Variants in PPM1E observed in about 807,000 individuals in gnomAD.
The protein encoded by PPM1E is protein phosphatase, Mg2+/Mn2+ dependent 1E.
In PPM1E, 20 loss-of-function variants were observed where a neutral mutation model predicts 65.9. The ratio of observed to expected loss-of-function variants is 0.30; its 90% confidence interval spans 0.21 to 0.44. The LOEUF is 0.44. PPM1E is among the 20% of genes least tolerant of loss of function. PPM1E has a pLI of 1.00. For synonymous variants in PPM1E, 352 were observed against 374.9 expected, an observed-to-expected ratio of 0.94 and a Z score of 0.70; for missense variants, 713 against 953.1, an observed-to-expected ratio of 0.75 and a Z score of 3.32.
At chr17:58,955,212 A>G (rs894043839) in intron 1 of PPM1E, among the ~76,000 whole-genome samples, 6 of 152,162 alleles carry the variant, frequency 3.9e-5, no homozygotes, top group African/African-American at 1.2e-4. Context: ...TAAAAATACA[A>G]AAATTAGCTG....
intron 1 of PPM1E, among the ~76,000 whole-genome samples, chr17:58,836,408 G>A (rs1421298715): frequency 6.6e-6 from 1 of 151,528 alleles, no homozygotes; most frequent in East Asian, 2.0e-4. Flanking sequence ...GATTTAATGA[G>A]CCCAGGAGTT....
intron 1 of PPM1E, among the ~76,000 whole-genome samples, chr17:58,771,414 A>C (rs1480354998): frequency 6.6e-6 from 1 of 151,710 alleles, no homozygotes; most frequent in African/African-American, 2.4e-5. Flanking sequence ...TCACAAGGTC[A>C]AGAGATCGAG....
intron 1 of PPM1E, among the ~76,000 whole-genome samples, chr17:58,921,578 C>T (rs1205129196): frequency 6.6e-6 from 1 of 151,316 alleles, no homozygotes; most frequent in Non-Finnish European, 1.5e-5. Context: ...GTAGGAGGAT[C>T]GCTTGAACCT....
intron 6 of PPM1E, among the ~76,000 whole-genome samples, chr17:58,973,699 T>TC (rs1487926116): frequency 6.6e-6 from 1 of 151,926 alleles, no homozygotes; most frequent in African/African-American, 2.4e-5. Context: ...ACGCCTGTAT[T>TC]CCCAGCACTT....
At position 58,916,744 on chromosome 17, in the gene PPM1E, A is replaced by G. The variant is rs144581816; in HGVS notation, c.465-38905A>G. On this transcript the variant is annotated intron_variant, in intron 1 of 6. Coordinates refer to ENST00000308249, the MANE Select transcript of PPM1E (RefSeq NM_014906.5). Reference sequence around the variant, plus strand: ...GACTTCTGTGGTTCCTTCCAATTCTATGATTTTGCTTTAATACATATAGTA... The same window carrying G: ...GACTTCTGTGGTTCCTTCCAATTCTGTGATTTTGCTTTAATACATATAGTA... Among the ~76,000 whole-genome samples the G allele has an allele frequency of 3.1e-4, 47 of 152,322 alleles. 1 individual carries two copies. Among genetic ancestry groups the G allele is most frequent in the Middle Eastern group, 3.4e-3 (1 of 294 alleles).
intron 1 of PPM1E, among the ~76,000 whole-genome samples, chr17:58,876,791 AT>A (rs554394576): frequency 7.3e-5 from 11 of 149,882 alleles, no homozygotes; most frequent in Admixed American, 2.0e-4. Flanking sequence ...ATTTTATTTT[AT>A]TTTTTTTTTG....
At chr17:58,771,410 G>A (rs2049937058) in intron 1 of PPM1E, among the ~76,000 whole-genome samples, 1 of 151,578 alleles carries the variant, frequency 6.6e-6, no homozygotes, top group Admixed American at 6.6e-5. Context: ...TGGATCACAA[G>A]GTCAAGAGAT....
At chr17:58,884,781 G>A (rs777903033) in intron 1 of PPM1E, among the ~76,000 whole-genome samples, 2 of 152,104 alleles carry the variant, frequency 1.3e-5, no homozygotes, top group African/African-American at 4.8e-5. Flanking sequence ...AGGGTGACCA[G>A]AGAATTAATT....
chr17:58,775,902 C>A (rs1364581617), intron 1 of PPM1E, among the ~76,000 whole-genome samples: 2 of 105,974 alleles, frequency 1.9e-5, no homozygotes, highest in Admixed American at 3.3e-4. Context: ...GCCTGGGCGA[C>A]AGAGCGAGAC....
chr17:58,856,903 TC>T (rs1263287802), intron 1 of PPM1E, among the ~76,000 whole-genome samples: 1 of 152,156 alleles, frequency 6.6e-6, no homozygotes, highest in African/African-American at 2.4e-5. Flanking sequence ...ATAGTAATTT[TC>T]CCCCTAGGGA....
At chr17:58,795,622 TA>T (rs1323544647) in intron 1 of PPM1E, among the ~76,000 whole-genome samples, 1 of 152,208 alleles carries the variant, frequency 6.6e-6, no homozygotes, top group Non-Finnish European at 1.5e-5. Context: ...GAGGATTGCT[TA>T]AGCCCAGGAG....
Position 58,841,026 on chromosome 17 carries a change from G to A in PPM1E, c.464+84565G>A, listed in dbSNP as rs1034397558. Among the ~76,000 whole-genome samples, 7 of 152,308 alleles carry A rather than the reference G, an allele frequency of 4.6e-5. No homozygotes were observed. The East Asian group carries it at 1.3e-3, about 29-fold the overall frequency. On this transcript the variant is annotated intron_variant, in intron 1 of 6. Coordinates refer to ENST00000308249, the MANE Select transcript of PPM1E (RefSeq NM_014906.5). ...ACAAGGTATTCGGGAACAGGATATT[G>A]TGCAAACGGGATGTTTGTAGTTAGC...
At chr17:58,805,970 AAAAC>A (rs2050305494) in intron 1 of PPM1E, among the ~76,000 whole-genome samples, 2 of 119,410 alleles carry the variant, frequency 1.7e-5, no homozygotes, top group African/African-American at 7.4e-5. Flanking sequence ...ACAAAAAAAA[AAAAC>A]AAAAAAAAAA....
At chr17:58,852,800 C>T (rs2050841214) in intron 1 of PPM1E, among the ~76,000 whole-genome samples, 1 of 152,040 alleles carries the variant, frequency 6.6e-6, no homozygotes, top group Non-Finnish European at 1.5e-5. Context: ...GACGGGGTTT[C>T]ACCGTGTTGG....
chr17:58,776,197 C>T (rs898552907), intron 1 of PPM1E, among the ~76,000 whole-genome samples: 3 of 151,590 alleles, frequency 2.0e-5, no homozygotes, highest in African/African-American at 4.8e-5. Flanking sequence ...CATGCTGGTG[C>T]GCCTCTGTAG....
At chr17:58,871,176 A>G (rs1326641534) in intron 1 of PPM1E, among the ~76,000 whole-genome samples, 1 of 152,116 alleles carries the variant, frequency 6.6e-6, no homozygotes, top group Admixed American at 6.5e-5. Context: ...AGCTGGGACT[A>G]CAGGTGCACA....
At chr17:58,963,520 G>C (rs1259956916) in intron 2 of PPM1E, among the ~76,000 whole-genome samples, 1 of 151,388 alleles carries the variant, frequency 6.6e-6, no homozygotes, top group African/African-American at 2.4e-5. Flanking sequence ...TGGCCAACAT[G>C]GTGAAATGCC....
At chr17:58,955,502 C>G in intron 1 of PPM1E, 147 bp from the exon 2 acceptor site, 1 of 876,944 alleles carries the variant, frequency 1.1e-6, no homozygotes, top group East Asian at 2.7e-5. Context: ...CCCAGAGTGC[C>G]TACTCAATAA....
At chr17:58,955,368 A>C (rs1263981881) in intron 1 of PPM1E, among the ~76,000 whole-genome samples, 1 of 152,162 alleles carries the variant, frequency 6.6e-6, no homozygotes, top group Admixed American at 6.5e-5. Context: ...CCATCTAAAA[A>C]ACAAACAACA....
Sources: allele counts gnomAD v4.1 joint callset (sites outside exome capture counted in the v4.1 genomes callset), GRCh38; gene constraint gnomAD v4.1.1; transcripts MANE v1.5; gene names NCBI Gene and HGNC (gene_info 2026-07-23, HGNC 2026-07-21).